LAPTM4B: variants seen among roughly 807,000 people sequenced by gnomAD.
LAPTM4B encodes the protein lysosomal-associated transmembrane protein 4B.
Under a neutral mutation model 28.5 loss-of-function variants are expected in LAPTM4B, and 26 were observed. The ratio of observed to expected loss-of-function variants is 0.91; its 90% CI spans 0.67 to 1.27. The LOEUF (loss-of-function observed/expected upper bound fraction) is 1.27, where lower values mean the gene tolerates loss of function less well. Ranked by LOEUF, LAPTM4B falls within the 50% of genes most tolerant of loss-of-function variation. The pLI, the probability that LAPTM4B is intolerant of heterozygous loss-of-function variation, is 0.00. For missense variants in LAPTM4B, 288 were observed against 285.8 expected, an observed-to-expected ratio of 1.01 and a Z score of -0.06; for synonymous variants, 109 against 106.4, an observed-to-expected ratio of 1.02 and a Z score of -0.15.
At chr8:97,811,125 G>A (rs1816819263) in intron 2 of LAPTM4B, among the ~76,000 whole-genome samples, 1 of 152,138 alleles carries the variant, frequency 6.6e-6, no homozygotes, top group African/African-American at 2.4e-5. Flanking sequence ...TATTGGTATC[G>A]ATGCCAAACA....
At chr8:97,849,884 GC>G (rs1247360881) in intron 6 of LAPTM4B, among the ~76,000 whole-genome samples, 1 of 149,072 alleles carries the variant, frequency 6.7e-6, no homozygotes, top group African/African-American at 2.6e-5. Context: ...GCTCCCCAGG[GC>G]CCAGTGCGAG....
chr8:97,846,780 C>T (rs1183462555), intron 6 of LAPTM4B, among the ~76,000 whole-genome samples: 1 of 152,140 alleles, frequency 6.6e-6, no homozygotes, highest in Non-Finnish European at 1.5e-5. Context: ...TAGTCTGGAA[C>T]TCATGGGTTC....
intron 2 of LAPTM4B, among the ~76,000 whole-genome samples, chr8:97,814,967 T>C (rs1292441306): frequency 2.0e-5 from 3 of 152,212 alleles, no homozygotes; most frequent in African/African-American, 7.2e-5. Flanking sequence ...GTTGGGATTA[T>C]AGGTGTGAGC....
intron 1 of LAPTM4B, among the ~76,000 whole-genome samples, chr8:97,778,048 T>C (rs1423477160): frequency 2.6e-5 from 4 of 152,186 alleles, no homozygotes; most frequent in African/African-American, 9.7e-5. Flanking sequence ...CCAGACAGTG[T>C]AGGTGTGATA....
At chr8:97,823,712 TTC>T (rs142714337) in intron 5 of LAPTM4B, among the ~76,000 whole-genome samples, 64,015 of 138,108 alleles carry the variant, frequency 0.46, 15,434 homozygotes, top group East Asian at 0.57. Context: ...TTTTTTTTTT[TTC>T]GGAGATGGAG....
At chr8:97,835,773 A>G (rs1009987010) in intron 6 of LAPTM4B, among the ~76,000 whole-genome samples, 1 of 152,126 alleles carries the variant, frequency 6.6e-6, no homozygotes, top group African/African-American at 2.4e-5. Flanking sequence ...ATTGTGTAAT[A>G]CCACACTCTC....
intron 6 of LAPTM4B, among the ~76,000 whole-genome samples, chr8:97,829,327 C>G (rs533482973): frequency 1.3e-5 from 2 of 152,248 alleles, no homozygotes; most frequent in African/African-American, 2.4e-5. Context: ...AGCCAAAGAT[C>G]GAGCAAGTGA....
At position 97,851,479 on chromosome 8, in the gene LAPTM4B, T is replaced by C. The variant is rs761147685; in HGVS notation, c.*5T>C. 3 of 1,611,550 alleles carry C rather than the reference T, an allele frequency of 1.9e-6. No homozygotes were observed. In the East Asian group the frequency reaches 6.7e-5, roughly 36 times the overall value. Reference sequence around the variant, plus strand: ...CCACCTTACGTGTCTGCCTAAGCCTTCAAGTGGGCGGAGCTGAGGGCAGCA... The same window carrying C: ...CCACCTTACGTGTCTGCCTAAGCCTCCAAGTGGGCGGAGCTGAGGGCAGCA... On this transcript the variant is annotated 3_prime_UTR_variant, in exon 7 of 7. Coordinates refer to ENST00000521545, the MANE Select transcript of LAPTM4B (RefSeq NM_018407.6).
intron 6 of LAPTM4B, among the ~76,000 whole-genome samples, chr8:97,831,827 G>A (rs2331649): frequency 0.47 from 71,454 of 151,988 alleles, 17,071 homozygotes; most frequent in East Asian, 0.58. Context: ...TCCTTGGGCA[G>A]TGGGGTCAGA....
intron 2 of LAPTM4B, 36 bp downstream of exon 2, chr8:97,805,500 G>A (rs2129771340): frequency 9.0e-7 from 1 of 1,115,926 alleles, no homozygotes; most frequent in East Asian, 2.3e-5. Context: ...TCAAGGGCAG[G>A]GAATCTGACT....
At chr8:97,814,116 C>T (rs1225759584) in intron 2 of LAPTM4B, among the ~76,000 whole-genome samples, 1 of 152,186 alleles carries the variant, frequency 6.6e-6, no homozygotes, top group Non-Finnish European at 1.5e-5. Context: ...TGACAATGCC[C>T]AGGCAATTGA....
intron 6 of LAPTM4B, among the ~76,000 whole-genome samples, chr8:97,846,701 G>C (rs1293176166): frequency 1.3e-5 from 2 of 152,096 alleles, no homozygotes; most frequent in African/African-American, 4.8e-5. Context: ...ATTTGATGGA[G>C]TGCATTCATT....
chr8:97,805,572 C>T (rs1816747283), intron 2 of LAPTM4B, 108 bp downstream of exon 2: 3 of 692,566 alleles, frequency 4.3e-6, no homozygotes, highest in Non-Finnish European at 7.9e-6. Flanking sequence ...TGATATATAA[C>T]TTGTCATTGC....
intron 3 of LAPTM4B, 71 bp from the exon 4 acceptor site, chr8:97,815,987 A>ACTT (rs3073521): frequency 0.47 from 650,585 of 1,376,980 alleles, 155,956 homozygotes; most frequent in East Asian, 0.55. Flanking sequence ...TTAATAAAAT[A>ACTT]CTTTGAATTT....
intron 1 of LAPTM4B, among the ~76,000 whole-genome samples, chr8:97,786,428 G>T (rs1450626510): frequency 2.0e-5 from 3 of 148,266 alleles, no homozygotes; most frequent in African/African-American, 7.5e-5. Flanking sequence ...ACAAGGCCGG[G>T]TGTGGTGGCT....
At chr8:97,830,596 TGGG>T (rs1190028967) in intron 6 of LAPTM4B, among the ~76,000 whole-genome samples, 1 of 151,864 alleles carries the variant, frequency 6.6e-6, no homozygotes, top group African/African-American at 2.4e-5. Context: ...TGAAGAGAAG[TGGG>T]GGAGAGTACT....
At chr8:97,835,846 G>C (rs1817251820) in intron 6 of LAPTM4B, among the ~76,000 whole-genome samples, 1 of 151,740 alleles carries the variant, frequency 6.6e-6, no homozygotes, top group Non-Finnish European at 1.5e-5. Flanking sequence ...TAGATCAGGG[G>C]TCCCCAAGCC....
intron 6 of LAPTM4B, among the ~76,000 whole-genome samples, chr8:97,837,383 G>C (rs1817278577): frequency 6.6e-6 from 1 of 152,022 alleles, no homozygotes; most frequent in South Asian, 2.1e-4. Flanking sequence ...ATTAGAGACA[G>C]GGTTTCACCA....
chr8:97,800,426 C>T lies in LAPTM4B; in HGVS notation c.100-4927C>T, dbSNP rs191847461. Among the ~76,000 whole-genome samples, 274 of 149,058 alleles carry T rather than the reference C, an allele frequency of 1.8e-3. 1 individual carries two copies. The highest frequency in any genetic ancestry group is 6.3e-3 in the African/African-American group (253 of 40,334). On this transcript the variant is annotated intron_variant, in intron 1 of 6. Coordinates refer to ENST00000521545, the MANE Select transcript of LAPTM4B (RefSeq NM_018407.6). ...GGTCTAGGTATTTTATGTATATTCA[C>T]TCATTTGAACTCTGGCCAGATGACA...
Sources: gnomAD v4.1 joint callset for allele counts (sites outside exome capture counted in the v4.1 genomes callset) on GRCh38, gnomAD v4.1.1 for gene constraint, MANE v1.5 for transcripts, NCBI Gene and HGNC (gene_info 2026-07-23, HGNC 2026-07-21) for gene names.